Variants in SMAD6 observed in about 807,000 individuals in gnomAD.
SMAD6 encodes the protein MAD homolog 6.
SMAD6 carries 103 observed loss-of-function variants against 39.4 expected under a neutral mutation model. The observed-to-expected ratio is 2.62, with a 90% CI of 2.23 to 3.08. The LOEUF is 3.08. Ranked by LOEUF, SMAD6 falls within the 30% of genes most tolerant of loss-of-function variation. The pLI is 0.00. For missense variants in SMAD6, 1,104 were observed against 742.9 expected (o/e 1.49, Z -5.65); for synonymous variants, 445 against 353.3 (o/e 1.26, Z -2.91).
At chr15:66,758,703 G>C (rs1226720706) in intron 3 of SMAD6, among the ~76,000 whole-genome samples, 1 of 151,550 alleles carries the variant, frequency 6.6e-6, no homozygotes, top group Non-Finnish European at 1.5e-5. Context: ...ATTCCAGCCT[G>C]GGTGACAGAG....
chr15:66,714,411 A>G (rs929902297), intron 2 of SMAD6, among the ~76,000 whole-genome samples: 5 of 152,156 alleles, frequency 3.3e-5, no homozygotes, highest in Non-Finnish European at 5.9e-5. Flanking sequence ...AAGAAGCATA[A>G]TATTTTGTGA....
In SMAD6 at chr15:66,729,005, G is replaced by C. The variant is rs1595774294; in HGVS notation, c.952+12507G>C. On this transcript the variant is annotated intron_variant, in intron 3 of 3. Transcript: ENST00000288840. The stretch of plus-strand genomic sequence containing the variant: ...GATACTGTGCCAGACTGTTTTCCAA[G>C]ACCACAGCGTTTTAGTCAGAAGCCC... 2.0e-5 allele frequency among the ~76,000 whole-genome samples: 3 copies of C among 152,298 alleles called. No individual in the cohort carries two copies. The Middle Eastern group carries it at 0.01, about 518-fold the overall frequency.
chr15:66,717,228 G>A, intron 3 of SMAD6: 2 of 947,348 alleles, frequency 2.1e-6, no homozygotes, highest in Non-Finnish European at 3.0e-6. Context: ...TGGCCTGGTG[G>A]CATGCTGGCT....
intron 3 of SMAD6, among the ~76,000 whole-genome samples, chr15:66,755,279 G>C (rs1046273335): frequency 6.6e-6 from 1 of 152,160 alleles, no homozygotes; most frequent in Admixed American, 6.5e-5. Flanking sequence ...TTCACAGGAC[G>C]GTGCCAGGCA....
At position 66,728,905 on chromosome 15, in the gene SMAD6, G is replaced by A. The variant is rs148873225; in HGVS notation, c.952+12407G>A. On this transcript the variant is annotated intron_variant, in intron 3 of 3. Coordinates refer to ENST00000288840, the MANE Select transcript of SMAD6 (RefSeq NM_005585.5). ...ATACCAGCCTTTTTGAGGACACAAG[G>A]TCATACTTCTCTTGGGTACATACCT... Among the ~76,000 whole-genome samples the A allele has an allele frequency of 6.0e-4, 90 of 151,038 alleles. 1 individual carries two copies. In the Middle Eastern group the frequency reaches 0.017, roughly 29 times the overall value.
chr15:66,762,460 A>G (rs114931267), intron 3 of SMAD6, among the ~76,000 whole-genome samples: 2,432 of 152,038 alleles, frequency 0.016, 68 homozygotes, highest in African/African-American at 0.057. Flanking sequence ...CCCTCAGGGA[A>G]TTTGCTTCCA....
At chr15:66,720,562 G>A (rs1893414764) in intron 3 of SMAD6, among the ~76,000 whole-genome samples, 1 of 152,194 alleles carries the variant, frequency 6.6e-6, no homozygotes, top group East Asian at 1.9e-4. Context: ...AGGACCAGTA[G>A]CTCCCCTCTG....
intron 3 of SMAD6, among the ~76,000 whole-genome samples, chr15:66,756,011 T>C (rs201335246): frequency 1.3e-5 from 2 of 150,518 alleles, no homozygotes; most frequent in East Asian, 3.9e-4. Flanking sequence ...CAGAGTTCTA[T>C]GCTTCAAGTC....
rs935842961 is a variant in SMAD6, at chr15:66,703,434, A to G, written c.176A>G (p.Glu59Gly). The G allele has an allele frequency of 1.5e-6, 2 of 1,291,038 alleles. No homozygotes were observed. The highest frequency in any genetic ancestry group is 2.0e-6 in the Non-Finnish European group (2 of 1,016,416). 80.0% of individuals were successfully genotyped at this position (1,291,038 alleles called of 1,614,324 possible). A position where few individuals can be genotyped will look rare whatever the true frequency, so the allele number is the denominator to read the frequency against. The change falls in exon 1 of 4, where the codon GAA becomes GGA. Residue 59 changes from glutamate (E) to glycine (G), a missense_variant. Glu to Gly is a moderately conservative substitution (Grantham distance 98). Coordinates refer to ENST00000288840, the MANE Select transcript of SMAD6 (RefSeq NM_005585.5). ...GAGGGCGGAGGCTGCGGCCGCTCCG[A>G]AGTCCGCCCGGTAGCCCCGCGGCGG... is the stretch of plus-strand genomic sequence containing the variant. ...AREGGGCGRSEVRPVAPRRPR... is the reference protein window; with the variant it reads ...AREGGGCGRSGVRPVAPRRPR...
chr15:66,782,419 C>T lies in SMAD6; in HGVS notation c.*884C>T, dbSNP rs1186635311. 4 of 152,306 alleles carry T rather than the reference C, an allele frequency of 2.6e-5. No individual in the cohort carries two copies. In the East Asian group the frequency reaches 7.9e-4, roughly 30 times the overall value. 9.4% of individuals were successfully genotyped at this position (152,306 alleles called of 1,614,324 possible). ...CAAAGACTGAAATGGGCCTTGAGCC[C>T]ACCTGCTACCTTGCAGAGAACCATC... On this transcript the variant is annotated 3_prime_UTR_variant, in exon 4 of 4. Transcript: ENST00000288840.
rs573400555 is a variant in SMAD6, at chr15:66,703,182, C to T, written c.-77C>T. On this transcript the variant is annotated 5_prime_UTR_variant, in exon 1 of 4. Coordinates refer to ENST00000288840, the MANE Select transcript of SMAD6 (RefSeq NM_005585.5). The stretch of plus-strand genomic sequence containing the variant: ...CATGTGGGGCTGCGACCCGCGCAGC[C>T]GGCGCCTCGCTGAGGGAACGGACCC... 95 of 1,133,086 alleles carry T rather than the reference C, an allele frequency of 8.4e-5. No homozygotes were observed. Among genetic ancestry groups the T allele is most frequent in the Middle Eastern group, 6.5e-4 (2 of 3,054 alleles). 70.2% of individuals were successfully genotyped at this position (1,133,086 alleles called of 1,614,324 possible).
intron 2 of SMAD6, among the ~76,000 whole-genome samples, chr15:66,715,192 C>T (rs1325255548): frequency 1.3e-5 from 2 of 151,172 alleles, no homozygotes; most frequent in Admixed American, 6.6e-5. Flanking sequence ...AAACAAAAAG[C>T]CAGTTCACTT....
intron 3 of SMAD6, among the ~76,000 whole-genome samples, chr15:66,777,069 T>A (rs1038443214): frequency 2.0e-5 from 3 of 151,800 alleles, no homozygotes; most frequent in African/African-American, 7.3e-5. Context: ...GTGGTCGCCC[T>A]GTGTCATTCC....
At chr15:66,756,030 T>TAA (rs71455530) in intron 3 of SMAD6, among the ~76,000 whole-genome samples, 120 of 145,718 alleles carry the variant, frequency 8.2e-4, no homozygotes, top group African/African-American at 1.6e-3. Flanking sequence ...TCATTTTGGT[T>TAA]AAAAAAAAAA....
chr15:66,711,747 C>T (rs768859121), intron 2 of SMAD6, 23 bp downstream of exon 2: 1 of 1,600,040 alleles, frequency 6.2e-7, no homozygotes, highest in Non-Finnish European at 8.6e-7. Context: ...TCCTTCCTAC[C>T]CTTGCAGAGG....
chr15:66,744,336 T>C (rs35283599), intron 3 of SMAD6, among the ~76,000 whole-genome samples: 51,525 of 152,092 alleles, frequency 0.34, 8,839 homozygotes, highest in East Asian at 0.44. Context: ...CATCTGGGAA[T>C]GCACTAAAGA....
intron 3 of SMAD6, among the ~76,000 whole-genome samples, chr15:66,780,133 A>G (rs900560841): frequency 3.3e-5 from 5 of 152,224 alleles, no homozygotes; most frequent in Non-Finnish European, 5.9e-5. Context: ...GCAGCTCCAG[A>G]GCCCTTAAGG....
intron 3 of SMAD6, among the ~76,000 whole-genome samples, chr15:66,770,607 G>T (rs902211237): frequency 2.0e-5 from 3 of 152,156 alleles, no homozygotes; most frequent in Non-Finnish European, 4.4e-5. Context: ...TCCAGAGTCC[G>T]ACTTTATGAT....
chr15:66,758,620 C>T (rs1595791810), intron 3 of SMAD6, among the ~76,000 whole-genome samples: 3 of 151,934 alleles, frequency 2.0e-5, no homozygotes, highest in African/African-American at 2.4e-5. Context: ...CCCAGGTACT[C>T]GGGAGGCTGA....
Sources: gnomAD v4.1 joint callset for allele counts (sites outside exome capture counted in the v4.1 genomes callset) on GRCh38, gnomAD v4.1.1 for gene constraint, MANE v1.5 for transcripts, NCBI Gene and HGNC (gene_info 2026-07-23, HGNC 2026-07-21) for gene names.